SOAT1: variants seen among roughly 807,000 people sequenced by gnomAD.
SOAT1 encodes the protein sterol O-acyltransferase 1.
A neutral mutation model predicts 69.5 loss-of-function variants in SOAT1; 55 were observed. The observed-to-expected ratio is 0.79, with a 90% CI of 0.64 to 0.99. The LOEUF is 0.99. Among genes scored for constraint, SOAT1 ranks in the 50% least tolerant of loss-of-function variants. The pLI, the probability that SOAT1 is intolerant of heterozygous loss-of-function variation, is 0.00. For missense variants in SOAT1, 580 were observed against 669.3 expected, an observed-to-expected ratio of 0.87 and a Z score of 1.47; for synonymous variants, 231 against 224.7, an observed-to-expected ratio of 1.03 and a Z score of -0.25.
chr1:179,331,407 A>G (rs902399500), intron 3 of SOAT1, among the ~76,000 whole-genome samples: 5 of 152,172 alleles, frequency 3.3e-5, no homozygotes, highest in African/African-American at 1.2e-4. Context: ...TGCAAAATGC[A>G]TGAGCAAGGG....
intron 15 of SOAT1, among the ~76,000 whole-genome samples, chr1:179,352,553 A>G (rs1468546276): frequency 5.5e-5 from 7 of 126,476 alleles, no homozygotes; most frequent in Non-Finnish European, 1.2e-4. Flanking sequence ...AGTAAATTAC[A>G]AAAAATATGG....
chr1:179,352,938 A>T (rs922654103), intron 15 of SOAT1, among the ~76,000 whole-genome samples: 1 of 151,388 alleles, frequency 6.6e-6, no homozygotes, highest in African/African-American at 2.4e-5. Flanking sequence ...TGGATGCCAC[A>T]TCTTCCATGA....
At chr1:179,348,739 G>T in intron 12 of SOAT1, 105 bp from the exon 13 acceptor site, 1 of 683,534 alleles carries the variant, frequency 1.5e-6, no homozygotes, top group South Asian at 1.9e-5. Context: ...GGGAAGTCAG[G>T]GGGGTTTGCT....
At chr1:179,343,461 T>A (rs910759902) in intron 9 of SOAT1, 129 bp from the exon 10 acceptor site, 6 of 655,736 alleles carry the variant, frequency 9.2e-6, no homozygotes, top group Non-Finnish European at 1.6e-5. Flanking sequence ...TCCTGGTCAC[T>A]GCCTTCCAAA....
chr1:179,332,332 T>C (rs1666000031), intron 3 of SOAT1, among the ~76,000 whole-genome samples: 1 of 152,224 alleles, frequency 6.6e-6, no homozygotes, highest in Non-Finnish European at 1.5e-5. Context: ...CTACTTGCTT[T>C]TCCAGCCTTA....
intron 15 of SOAT1, among the ~76,000 whole-genome samples, chr1:179,351,994 C>T (rs750875811): frequency 3.9e-4 from 59 of 151,748 alleles, no homozygotes; most frequent in Admixed American, 6.6e-4. Flanking sequence ...CTGGAGCCAC[C>T]GTGCTCAGCC....
intron 7 of SOAT1, 25 bp downstream of exon 7, chr1:179,341,335 G>A: frequency 6.2e-7 from 1 of 1,603,278 alleles, no homozygotes; most frequent in Non-Finnish European, 8.5e-7. Context: ...GTTACCCAAG[G>A]CGATGCTGTC....
At chr1:179,349,552 C>T (rs1666653449) in intron 13 of SOAT1, among the ~76,000 whole-genome samples, 1 of 152,098 alleles carries the variant, frequency 6.6e-6, no homozygotes, top group Non-Finnish European at 1.5e-5. Flanking sequence ...ATCTTGAACT[C>T]CCGACCTTAG....
chr1:179,340,328 A>T (rs555811754), intron 6 of SOAT1, among the ~76,000 whole-genome samples: 1 of 152,226 alleles, frequency 6.6e-6, no homozygotes, highest in Admixed American at 6.5e-5. Context: ...CAAAAAATTT[A>T]AAAATTAGCT....
intron 2 of SOAT1, among the ~76,000 whole-genome samples, chr1:179,308,349 G>A (rs909265853): frequency 6.6e-6 from 1 of 152,082 alleles, no homozygotes; most frequent in African/African-American, 2.4e-5. Flanking sequence ...AAAAGAAAAA[G>A]AAGCCAAAGT....
intron 2 of SOAT1, among the ~76,000 whole-genome samples, chr1:179,310,250 A>G (rs1043791795): frequency 2.3e-5 from 3 of 131,722 alleles, no homozygotes; most frequent in African/African-American, 8.8e-5. Flanking sequence ...AGATTATGAC[A>G]AAAAGAAAAC....
Position 179,354,921 on chromosome 1 carries a change from G to C in SOAT1, c.*1280G>C, listed in dbSNP as rs1666859425. On this transcript the variant is annotated 3_prime_UTR_variant, in exon 16 of 16. Coordinates refer to ENST00000367619, the MANE Select transcript of SOAT1 (RefSeq NM_003101.6). Reference sequence around the variant, plus strand: ...AGATTTATGAATTATTTAAATGATAGTTGTTACTTGGAACAGCCACTTGAG... The same window carrying C: ...AGATTTATGAATTATTTAAATGATACTTGTTACTTGGAACAGCCACTTGAG... The C allele has an allele frequency of 6.6e-6, 1 of 152,182 alleles. No individual in the cohort carries two copies. The highest frequency in any genetic ancestry group is 1.5e-5 in the Non-Finnish European group (1 of 68,028). The allele number at this position is 152,182 out of a possible 1,614,324, so 9.4% of individuals were successfully genotyped here. A position where few individuals can be genotyped will look rare whatever the true frequency, so the allele number is the denominator to read the frequency against.
At chr1:179,329,121 A>G (rs1488557157) in intron 3 of SOAT1, among the ~76,000 whole-genome samples, 1 of 151,920 alleles carries the variant, frequency 6.6e-6, no homozygotes, top group Admixed American at 6.6e-5. Flanking sequence ...GTTTTTTCAC[A>G]TCAGTACCTT....
intron 10 of SOAT1, among the ~76,000 whole-genome samples, chr1:179,344,227 G>A (rs1332035434): frequency 6.6e-6 from 1 of 151,916 alleles, no homozygotes; most frequent in African/African-American, 2.4e-5. Context: ...TATGTATGTG[G>A]GTATAGTCTG....
At chr1:179,298,452 A>G (rs532890425) in intron 1 of SOAT1, among the ~76,000 whole-genome samples, 94 of 152,130 alleles carry the variant, frequency 6.2e-4, no homozygotes, top group African/African-American at 1.9e-3. Context: ...CCATCTTATT[A>G]CCAAGGACTC....
At chr1:179,335,015 C>A (rs1173472456) in intron 3 of SOAT1, among the ~76,000 whole-genome samples, 13 of 73,528 alleles carry the variant, frequency 1.8e-4, no homozygotes, top group African/African-American at 5.0e-4. Context: ...AACTCCATCT[C>A]AAAAAAAAAA....
At chr1:179,307,813 T>C (rs935925086) in intron 2 of SOAT1, among the ~76,000 whole-genome samples, 1 of 151,224 alleles carries the variant, frequency 6.6e-6, no homozygotes, top group Non-Finnish European at 1.5e-5. Flanking sequence ...TTTTTTGAGA[T>C]GGAGTTTTGC....
At chr1:179,348,723 T>C in intron 12 of SOAT1, 121 bp from the exon 13 acceptor site, 1 of 653,950 alleles carries the variant, frequency 1.5e-6, no homozygotes, top group South Asian at 1.9e-5. Flanking sequence ...GTTACATATG[T>C]TCTTTGGGAA....
intron 6 of SOAT1, among the ~76,000 whole-genome samples, chr1:179,340,820 GATAT>G (rs67855683): frequency 0.02 from 2,866 of 146,808 alleles, 69 homozygotes; most frequent in Admixed American, 0.065. Flanking sequence ...ATATATTGTT[GATAT>G]ATATATATAT....
Sources: gnomAD v4.1 joint callset for allele counts (sites outside exome capture counted in the v4.1 genomes callset) on GRCh38, gnomAD v4.1.1 for gene constraint, MANE v1.5 for transcripts, NCBI Gene and HGNC (gene_info 2026-07-23, HGNC 2026-07-21) for gene names.